Variants in GALC observed in about 807,000 individuals in gnomAD.
The protein encoded by GALC is galactocerebrosidase.
GALC carries 77 observed loss-of-function variants against 91.8 expected under a neutral mutation model. The observed-to-expected ratio is 0.84, with a 90% CI of 0.70 to 1.01. The LOEUF is 1.01. Ranked by LOEUF, GALC falls within the 50% of genes least tolerant of loss-of-function variation. The probability of loss-of-function intolerance (pLI) is 0.00; values close to 1 mark genes in which losing one functional copy is unlikely to be tolerated. For missense variants in GALC, 882 were observed against 855.9 expected (o/e 1.03, Z -0.38); for synonymous variants, 357 against 306.7 (o/e 1.16, Z -1.71).
chr14:87,981,426 A>T (rs1886743276), intron 6 of GALC: 1 of 191,332 alleles, frequency 5.2e-6, no homozygotes, highest in African/African-American at 2.4e-5. Context: ...ATGTAACCAA[A>T]TACCACCTAT....
chr14:87,954,067 T>C (rs1885417807), intron 10 of GALC: 1 of 1,609,868 alleles, frequency 6.2e-7, no homozygotes. Flanking sequence ...CAATCAACAT[T>C]TAGCAGTCAG....
chr14:87,971,010 T>G (rs895044036), intron 7 of GALC, among the ~76,000 whole-genome samples: 20 of 152,150 alleles, frequency 1.3e-4, no homozygotes, highest in Non-Finnish European at 1.5e-5. Flanking sequence ...AAACCAACTT[T>G]ATAGTTTATC....
At chr14:87,950,500 A>G (rs1885257079) in intron 11 of GALC, among the ~76,000 whole-genome samples, 159 bp downstream of exon 11, 1 of 151,914 alleles carries the variant, frequency 6.6e-6, no homozygotes. Flanking sequence ...TGCTAGATTA[A>G]AGCAAGTCGG....
At chr14:87,946,563 A>G (rs939513072) in intron 13 of GALC, among the ~76,000 whole-genome samples, 1 of 151,800 alleles carries the variant, frequency 6.6e-6, no homozygotes, top group South Asian at 2.1e-4. Context: ...TTTATATTTG[A>G]AGGTTTGAAA....
intron 9 of GALC, among the ~76,000 whole-genome samples, chr14:87,963,741 C>A (rs1379896500): frequency 6.6e-6 from 1 of 151,840 alleles, no homozygotes; most frequent in Non-Finnish European, 1.5e-5. Context: ...AATAAATGAA[C>A]CTGTCAGTTC....
chr14:87,960,634 A>T (rs379911), intron 10 of GALC, among the ~76,000 whole-genome samples: 1 of 152,132 alleles, frequency 6.6e-6, no homozygotes, highest in Admixed American at 6.5e-5. Context: ...CAGATATATA[A>T]GTCAACAGAA....
chr14:87,944,978 C>G (rs1442513412), intron 14 of GALC, among the ~76,000 whole-genome samples: 1 of 12,184 alleles, frequency 8.2e-5, no homozygotes, highest in Admixed American at 2.0e-3. Context: ...AATTCTGTAA[C>G]TAAAGAGGAA....
chr14:87,937,122 A>G (rs1052712946), intron 16 of GALC, among the ~76,000 whole-genome samples: 4 of 151,732 alleles, frequency 2.6e-5, no homozygotes, highest in African/African-American at 4.8e-5. Context: ...GTCAGTGACA[A>G]AATCCTCACA....
chr14:87,982,213 A>G lies in GALC; in HGVS notation c.613T>C (p.Tyr205His). ...IWNERSYNAN[Y>H]IKILRKMLNY... ...ACTAAAGTTGTACACACCTTAATAT[A>G]ATTGGCATTATATGACCTCTCATTC... is the stretch of plus-strand genomic sequence containing the variant. Residue 205 changes from tyrosine to histidine, a missense_variant, in exon 6 of 17, where the codon TAT becomes CAT. Tyr to His is a moderately conservative substitution (Grantham distance 83). Transcript: ENST00000261304. 2 of 1,567,090 alleles carry G rather than the reference A, an allele frequency of 1.3e-6. No homozygotes were observed. The highest frequency in any genetic ancestry group is 1.8e-6 in the Non-Finnish European group (2 of 1,138,210).
intron 7 of GALC, among the ~76,000 whole-genome samples, chr14:87,974,488 A>C (rs574255851): frequency 3.9e-5 from 6 of 152,278 alleles, no homozygotes; most frequent in African/African-American, 1.4e-4. Flanking sequence ...ACACAGCAAA[A>C]ACTGCCTAAG....
intron 6 of GALC, 198 bp from the exon 7 acceptor site, chr14:87,976,686 C>A: frequency 2.0e-6 from 1 of 493,826 alleles, no homozygotes. Flanking sequence ...AGGATCTCAG[C>A]TCACTGCAAC....
rs1886574180 is a variant in GALC, at chr14:87,977,976, C to T, written c.622-1488G>A. Among the ~76,000 whole-genome samples, 12 of 152,248 alleles carry T rather than the reference C, an allele frequency of 7.9e-5. No homozygotes were observed. In the South Asian group the frequency reaches 2.5e-3, roughly 32 times the overall value. On this transcript the variant is annotated intron_variant, in intron 6 of 16. Coordinates refer to ENST00000261304, the MANE Select transcript of GALC (RefSeq NM_000153.4). ...CAGATCCTTTGTAGCAAACCGAGAC[C>T]AACTCTCAAGATTCAGTAGGATTGA...
intron 10 of GALC, chr14:87,953,722 T>C: frequency 6.2e-7 from 1 of 1,607,764 alleles, no homozygotes; most frequent in Non-Finnish European, 8.5e-7. Flanking sequence ...TGCAGGAGAT[T>C]CTGTTGTAGA....
chr14:87,949,413 C>G (rs917428978), intron 12 of GALC, among the ~76,000 whole-genome samples: 1 of 151,910 alleles, frequency 6.6e-6, no homozygotes, highest in Non-Finnish European at 1.5e-5. Flanking sequence ...AAAATCAGAT[C>G]TGCATTTTTG....
upstream of GALC, chr14:87,993,238 C>A (rs897970155): frequency 3.2e-6 from 5 of 1,544,660 alleles, no homozygotes; most frequent in East Asian, 7.3e-5. Context: ...GGCAGGAGGC[C>A]GCTGATGCTG....
intron 5 of GALC, 21 bp downstream of exon 5, chr14:87,984,373 T>G: frequency 6.3e-7 from 1 of 1,596,354 alleles, no homozygotes. Flanking sequence ...AACTGAATCA[T>G]ATTTTAAATA....
chr14:87,953,476 T>G (rs1595202003), intron 10 of GALC: 3 of 1,583,728 alleles, frequency 1.9e-6, no homozygotes, highest in Non-Finnish European at 2.6e-6. Flanking sequence ...TCACATAAAC[T>G]CTGACAAAGG....
chr14:87,934,233 A>C lies in GALC; in HGVS notation c.*499T>G, dbSNP rs1226531123. 2.1e-5 allele frequency: 29 copies of C among 1,371,890 alleles called. No individual in the cohort carries two copies. Among genetic ancestry groups the C allele is most frequent in the East Asian group, 2.7e-5 (1 of 36,760 alleles). 85.0% of individuals were successfully genotyped at this position (1,371,890 alleles called of 1,614,324 possible). On this transcript the variant is annotated 3_prime_UTR_variant, in exon 17 of 17. Transcript: ENST00000261304. ...AAAAATACTTTTTAGAGCATAAAGC[A>C]TAACAGGTTGAAGTGGTTTTCAAAA...
Position 87,945,504 on chromosome 14 carries a change from T to C in GALC, c.1670+49A>G, listed in dbSNP as rs775261941. ...CTTCACTTCAAAATGTACCTGACAA[T>C]ATTACAAGGGTATTTCAGCCAGATC... On this transcript the variant is annotated intron_variant, in intron 14 of 16. Transcript: ENST00000261304. 1.7e-5 allele frequency: 22 copies of C among 1,325,648 alleles called. No homozygotes were observed. In the East Asian group the frequency reaches 4.8e-4, roughly 29 times the overall value. 82.1% of individuals were successfully genotyped at this position (1,325,648 alleles called of 1,614,324 possible). A position where few individuals can be genotyped will look rare whatever the true frequency, so the allele number is the denominator to read the frequency against.
Sources: allele counts gnomAD v4.1 joint callset (sites outside exome capture counted in the v4.1 genomes callset), GRCh38; gene constraint gnomAD v4.1.1; transcripts MANE v1.5; gene names NCBI Gene and HGNC (gene_info 2026-07-23, HGNC 2026-07-21).